POLE2: variants seen among roughly 807,000 people sequenced by gnomAD.
POLE2 encodes the protein DNA polymerase epsilon 2, accessory subunit, also known as DNA polymerase epsilon subunit 2.
POLE2 carries 56 observed loss-of-function variants against 79.4 expected under a neutral mutation model. The ratio of observed to expected loss-of-function variants is 0.71; its 90% confidence interval spans 0.57 to 0.88. The LOEUF (loss-of-function observed/expected upper bound fraction) is 0.88, where lower values mean the gene tolerates loss of function less well. Ranked by LOEUF, POLE2 falls within the 40% of genes least tolerant of loss-of-function variation. The pLI is 0.00. For missense variants in POLE2, 598 were observed against 638.9 expected, an observed-to-expected ratio of 0.94 and a Z score of 0.69; for synonymous variants, 212 against 214.0, an observed-to-expected ratio of 0.99 and a Z score of 0.08.
chr14:49,646,684 T>C (rs1397113266), intron 18 of POLE2: 3 of 152,162 alleles, frequency 2.0e-5, no homozygotes, highest in Admixed American at 6.6e-5. Flanking sequence ...AGAAATCACA[T>C]GTTAGGATGC....
intron 17 of POLE2, among the ~76,000 whole-genome samples, chr14:49,649,149 T>C (rs889852504): frequency 2.9e-5 from 4 of 136,244 alleles, no homozygotes; most frequent in African/African-American, 5.6e-5. Flanking sequence ...TTTTTTTTTT[T>C]TTTTTTTTTT....
rs895278821 is a variant in POLE2 at position 49,662,961 on chromosome 14, T to C, written c.755+354A>G. 1.1e-4 allele frequency among the ~76,000 whole-genome samples: 17 copies of C among 152,340 alleles called. No homozygotes were observed. The South Asian group carries it at 1.7e-3, about 15-fold the overall frequency. On this transcript the variant is annotated intron_variant, in intron 10 of 18. Transcript: ENST00000216367. ...AGCTACCTCACATAACTTTCATTCA[T>C]TGGAATATAAAAATGAGAATTTTAT...
At chr14:49,665,730 T>C (rs1371376760) in intron 7 of POLE2, among the ~76,000 whole-genome samples, 1 of 151,566 alleles carries the variant, frequency 6.6e-6, no homozygotes, top group Non-Finnish European at 1.5e-5. Flanking sequence ...AAAAGTCTAA[T>C]ATGAAAATGT....
chr14:49,645,266 C>G (rs1446996245), intron 18 of POLE2, among the ~76,000 whole-genome samples: 1 of 91,208 alleles, frequency 1.1e-5, no homozygotes, highest in African/African-American at 4.5e-5. Context: ...AAAACATCAC[C>G]AATATTGTGT....
At chr14:49,665,064 C>T (rs1196390701) in intron 8 of POLE2, 43 bp downstream of exon 8, 8 of 883,604 alleles carry the variant, frequency 9.1e-6, no homozygotes, top group Admixed American at 2.1e-5. Flanking sequence ...TTCCCCAATT[C>T]ACGTAATGCA....
intron 3 of POLE2, chr14:49,677,816 C>T: frequency 1.8e-6 from 1 of 545,740 alleles, no homozygotes; most frequent in Non-Finnish European, 3.0e-6. Flanking sequence ...GCAGCAGCAC[C>T]CTCACAATGC....
chr14:49,651,380 G>A lies in POLE2; in HGVS notation c.1212-3C>T, dbSNP rs1256546301. ...TTTCCTGTGTACAGTACTGAATTCT[G>A]AAATGAAAACAGTAGTTGAATTTGA... On this transcript the variant is annotated splice_region_variant and splice_polypyrimidine_tract_variant and intron_variant, in intron 15 of 18. Coordinates refer to ENST00000216367, the MANE Select transcript of POLE2 (RefSeq NM_002692.4). 1 of 1,268,582 alleles carries A rather than the reference G, an allele frequency of 7.9e-7. No individual in the cohort carries two copies. Among genetic ancestry groups the A allele is most frequent in the South Asian group, 1.4e-5 (1 of 70,220 alleles). The allele number at this position is 1,268,582 out of a possible 1,614,324, so 78.6% of individuals were successfully genotyped here. A position where few individuals can be genotyped will look rare whatever the true frequency, so the allele number is the denominator to read the frequency against.
chr14:49,669,104 T>C (rs1264080497), intron 6 of POLE2, among the ~76,000 whole-genome samples: 1 of 152,252 alleles, frequency 6.6e-6, no homozygotes, highest in East Asian at 1.9e-4. Flanking sequence ...TAACACATTC[T>C]AGTTCAATAA....
chr14:49,681,042 C>G (rs1886666477), intron 2 of POLE2, among the ~76,000 whole-genome samples: 1 of 152,124 alleles, frequency 6.6e-6, no homozygotes, highest in Non-Finnish European at 1.5e-5. Flanking sequence ...GAGTATGTTT[C>G]TTCCTATATA....
At chr14:49,665,195 T>G in intron 7 of POLE2, 32 bp from the exon 8 acceptor site, 2 of 929,792 alleles carry the variant, frequency 2.2e-6, no homozygotes, top group South Asian at 2.8e-5. Flanking sequence ...AATCCACATT[T>G]ATGTAACAAT....
At chr14:49,652,374 C>T (rs985008122) in intron 15 of POLE2, among the ~76,000 whole-genome samples, 12 of 150,446 alleles carry the variant, frequency 8.0e-5, no homozygotes, top group Non-Finnish European at 1.2e-4. Flanking sequence ...TTGTAATAAT[C>T]CAGGCCGAGA....
At chr14:49,680,016 C>T (rs1027934148) in intron 2 of POLE2, among the ~76,000 whole-genome samples, 3 of 152,154 alleles carry the variant, frequency 2.0e-5, no homozygotes, top group Non-Finnish European at 4.4e-5. Context: ...CCTTAATATA[C>T]AGTCAAATGC....
chr14:49,672,552 T>C (rs968574237), intron 5 of POLE2, among the ~76,000 whole-genome samples: 2 of 150,476 alleles, frequency 1.3e-5, no homozygotes, highest in Non-Finnish European at 3.0e-5. Context: ...CAGGCTGGAG[T>C]GCAATGGCGC....
chr14:49,677,637 TG>T, intron 3 of POLE2: 1 of 664,420 alleles, frequency 1.5e-6, no homozygotes, highest in African/African-American at 1.8e-5. Context: ...GTCTGGTCCC[TG>T]GGCTGTGTGA....
chr14:49,672,696 T>A (rs1885986218), intron 5 of POLE2, among the ~76,000 whole-genome samples: 1 of 152,044 alleles, frequency 6.6e-6, no homozygotes, highest in South Asian at 2.1e-4. Context: ...ACAGGGTTTC[T>A]CCATGTTGGT....
rs761499523 is a variant in POLE2, at chr14:49,666,347, T to A, written c.559A>T (p.Ile187Leu). 2 of 1,541,044 alleles carry A rather than the reference T, an allele frequency of 1.3e-6. No individual in the cohort carries two copies. The highest frequency in any genetic ancestry group is 2.8e-5 in the African/African-American group (2 of 71,140). Reference sequence around the variant, plus strand: ...TAAGTTACCTCTTTTAACTGCGTTATCATTCCAAGAACAATCGCATCTCCG... The same window carrying A: ...TAAGTTACCTCTTTTAACTGCGTTAACATTCCAAGAACAATCGCATCTCCG... ...KIGDAIVLGM[I>L]TQLKEGKFFL... Residue 187 changes from isoleucine (I) to leucine (L), a missense_variant, in exon 7 of 19, where the codon ATA (isoleucine) becomes TTA (leucine). Transcript: ENST00000216367.
At chr14:49,677,681 GA>G in intron 3 of POLE2, 1 of 1,141,680 alleles carries the variant, frequency 8.8e-7, no homozygotes, top group Non-Finnish European at 1.2e-6. Flanking sequence ...AGGCCCTTAC[GA>G]AATGGTGTTC....
chr14:49,652,146 C>A, intron 15 of POLE2, among the ~76,000 whole-genome samples: 1 of 151,630 alleles, frequency 6.6e-6, no homozygotes. Context: ...CACTTTCACA[C>A]TGCGTTAAGA....
chr14:49,684,745 G>C (rs536949167), intron 1 of POLE2: 3 of 150,596 alleles, frequency 2.0e-5, no homozygotes, highest in African/African-American at 7.3e-5. Flanking sequence ...AGGCCAAGAC[G>C]GGCAGATCAC....
Sources: allele counts gnomAD v4.1 joint callset (sites outside exome capture counted in the v4.1 genomes callset), GRCh38; gene constraint gnomAD v4.1.1; transcripts MANE v1.5; gene names NCBI Gene and HGNC (gene_info 2026-07-23, HGNC 2026-07-21).